MRPS9: variants seen among roughly 807,000 people sequenced by gnomAD.
MRPS9 encodes small ribosomal subunit protein uS9m.
In MRPS9, 45 loss-of-function variants were observed where a neutral mutation model predicts 59.9. The observed-to-expected ratio is 0.75, with a 90% confidence interval of 0.59 to 0.96. The LOEUF is 0.96. MRPS9 is among the 40% of genes least tolerant of loss of function. The probability of loss-of-function intolerance (pLI) is 0.00; values close to 1 mark genes in which losing one functional copy is unlikely to be tolerated. For missense variants in MRPS9, 473 were observed against 481.1 expected, an observed-to-expected ratio of 0.98 and a Z score of 0.16; for synonymous variants, 171 against 166.8, an observed-to-expected ratio of 1.03 and a Z score of -0.19.
intron 4 of MRPS9, among the ~76,000 whole-genome samples, chr2:105,077,088 A>C (rs1680225705): frequency 6.6e-6 from 1 of 152,088 alleles, no homozygotes; most frequent in African/African-American, 2.4e-5. Flanking sequence ...CTCTACTAAA[A>C]ATACAAAATA....
intron 1 of MRPS9, among the ~76,000 whole-genome samples, chr2:105,046,282 AGAC>A (rs1679592600): frequency 7.1e-6 from 1 of 140,100 alleles, no homozygotes; most frequent in African/African-American, 2.7e-5. Flanking sequence ...CTCAGCAGAC[AGAC>A]CATCTTCTAT....
chr2:105,066,948 G>A (rs187953388), intron 2 of MRPS9, among the ~76,000 whole-genome samples: 7 of 152,268 alleles, frequency 4.6e-5, no homozygotes, highest in African/African-American at 1.7e-4. Flanking sequence ...TTCCAGAAAA[G>A]TTGAATATTC....
intron 2 of MRPS9, among the ~76,000 whole-genome samples, chr2:105,069,011 C>T (rs185594123): frequency 6.6e-6 from 1 of 152,300 alleles, no homozygotes; most frequent in East Asian, 1.9e-4. Flanking sequence ...CTCCCACCTT[C>T]CCGCTGAAGA....
intron 2 of MRPS9, among the ~76,000 whole-genome samples, chr2:105,063,355 C>T (rs142974424): frequency 7.6e-4 from 115 of 152,288 alleles, no homozygotes; most frequent in African/African-American, 2.7e-3. Flanking sequence ...TGTGTATATA[C>T]ATATGTATTT....
Position 105,071,336 on chromosome 2 carries a change from A to G in MRPS9, c.339A>G (p.Pro113=). 1 of 1,610,234 alleles carries G rather than the reference A, an allele frequency of 6.2e-7. No individual in the cohort carries two copies. Among genetic ancestry groups the G allele is most frequent in the Non-Finnish European group, 8.5e-7 (1 of 1,178,934 alleles). The part of the protein sequence containing the change: ...DIDRAIAYLF[P]SGLFEKRARP... ...AGAGAGCTATTGCTTACCTTTTCCC[A>G]AGTGGTTTGTTTGAGAAACGAGCCA... The change falls in exon 3 of 11, where the codon CCA becomes CCG. Residue 113 remains proline, a synonymous_variant. Coordinates refer to ENST00000258455, the MANE Select transcript of MRPS9 (RefSeq NM_182640.3).
chr2:105,080,119 T>C (rs1014457604), intron 5 of MRPS9, 57 bp downstream of exon 5: 2 of 1,228,004 alleles, frequency 1.6e-6, no homozygotes, highest in Non-Finnish European at 2.3e-6. Context: ...AAACTAATTA[T>C]ACTGGATACT....
chr2:105,077,244 C>CAAAAAAAAA (rs56216293), intron 4 of MRPS9, among the ~76,000 whole-genome samples: 9 of 115,484 alleles, frequency 7.8e-5, no homozygotes, highest in African/African-American at 1.9e-4. Context: ...GACTCCATCT[C>CAAAAAAAAA]AAAAAAAAAA....
At chr2:105,045,057 C>A (rs1679569049) in intron 1 of MRPS9, among the ~76,000 whole-genome samples, 2 of 151,978 alleles carry the variant, frequency 1.3e-5, no homozygotes, top group African/African-American at 4.8e-5. Flanking sequence ...GGGAAAAAAA[C>A]ATGGAGTAAA....
chr2:105,096,417 G>A (rs1274477059), intron 9 of MRPS9, among the ~76,000 whole-genome samples: 1 of 152,138 alleles, frequency 6.6e-6, no homozygotes, highest in East Asian at 1.9e-4. Context: ...TACCTGGCGT[G>A]AAAATGATAT....
At chr2:105,042,157 T>G (rs142523705) in intron 1 of MRPS9, among the ~76,000 whole-genome samples, 1 of 152,250 alleles carries the variant, frequency 6.6e-6, no homozygotes, top group Admixed American at 6.5e-5. Context: ...CACACTTTGT[T>G]GGGTCCTCTT....
chr2:105,057,744 A>G (rs1422815137), intron 2 of MRPS9, among the ~76,000 whole-genome samples: 2 of 151,818 alleles, frequency 1.3e-5, no homozygotes, highest in Non-Finnish European at 2.9e-5. Context: ...ATCATACTGT[A>G]AACACCAAAA....
intron 5 of MRPS9, among the ~76,000 whole-genome samples, chr2:105,083,480 G>A (rs1680387732): frequency 6.6e-6 from 1 of 151,882 alleles, no homozygotes; most frequent in Non-Finnish European, 1.5e-5. Flanking sequence ...TTAATTTTAA[G>A]AAAAAAACAT....
At chr2:105,039,552 A>C (rs1024177103) in intron 1 of MRPS9, among the ~76,000 whole-genome samples, 1 of 152,140 alleles carries the variant, frequency 6.6e-6, no homozygotes, top group East Asian at 1.9e-4. Context: ...ACATACATGC[A>C]CAGGTGTACT....
At chr2:105,084,332 T>A (rs1340648837) in intron 5 of MRPS9, among the ~76,000 whole-genome samples, 2 of 151,494 alleles carry the variant, frequency 1.3e-5, no homozygotes, top group African/African-American at 4.8e-5. Context: ...ATTCTAATCC[T>A]TGTAACGTAT....
intron 1 of MRPS9, among the ~76,000 whole-genome samples, chr2:105,048,130 A>G (rs1049139055): frequency 6.6e-6 from 1 of 152,108 alleles, no homozygotes; most frequent in African/African-American, 2.4e-5. Flanking sequence ...GACTGGATTA[A>G]GAAAATGTGG....
chr2:105,086,095 A>T (rs997854260), intron 5 of MRPS9, among the ~76,000 whole-genome samples: 2 of 152,158 alleles, frequency 1.3e-5, no homozygotes, highest in Non-Finnish European at 2.9e-5. Context: ...GCACCAGTAA[A>T]ATTGTTTGAC....
intron 2 of MRPS9, among the ~76,000 whole-genome samples, chr2:105,064,617 G>A (rs1000777398): frequency 3.3e-5 from 5 of 152,300 alleles, no homozygotes; most frequent in African/African-American, 1.2e-4. Flanking sequence ...ACAAGGATGG[G>A]GAGGGAACGG....
intron 1 of MRPS9, among the ~76,000 whole-genome samples, chr2:105,039,665 T>G (rs1679468084): frequency 1.3e-5 from 2 of 152,230 alleles, no homozygotes; most frequent in South Asian, 4.1e-4. Flanking sequence ...TCCCCTATTA[T>G]GTTTTTAAAA....
Position 105,097,240 on chromosome 2 carries a change from G to C in MRPS9, c.1015G>C (p.Ala339Pro), listed in dbSNP as rs1340595471. The change falls in exon 10 of 11, where the codon GCG becomes CCG. Residue 339 changes from alanine to proline, a missense_variant. By Grantham distance (27) the Ala-to-Pro change is conservative (BLOSUM62 -1). Coordinates refer to ENST00000258455, the MANE Select transcript of MRPS9 (RefSeq NM_182640.3). ...CACAGTCTCAGGGGGCGGGAGGTCAGCGCAGGCTGGAGCAATACGACTGGC... is the reference window on the plus strand; with the variant it reads ...CACAGTCTCAGGGGGCGGGAGGTCACCGCAGGCTGGAGCAATACGACTGGC... The part of the protein sequence containing the change: ...TCTVSGGGRS[A>P]QAGAIRLAMA... The C allele has an allele frequency of 6.2e-7, 1 of 1,613,216 alleles. No homozygotes were observed. Among genetic ancestry groups the C allele is most frequent in the Non-Finnish European group, 8.5e-7 (1 of 1,179,716 alleles).
Sources: allele counts gnomAD v4.1 joint callset (sites outside exome capture counted in the v4.1 genomes callset), GRCh38; gene constraint gnomAD v4.1.1; transcripts MANE v1.5; gene names NCBI Gene and HGNC (gene_info 2026-07-23, HGNC 2026-07-21).